EYS: variants seen among roughly 807,000 people sequenced by gnomAD.
EYS encodes protein eyes shut homolog.
Under a neutral mutation model 282.1 loss-of-function variants are expected in EYS, and 250 were observed. The ratio of observed to expected loss-of-function variants is 0.89; its 90% confidence interval spans 0.80 to 0.98. The LOEUF (loss-of-function observed/expected upper bound fraction) is 0.98, where lower values mean the gene tolerates loss of function less well. Ranked by LOEUF, EYS falls within the 50% of genes least tolerant of loss-of-function variation. The pLI is 0.00. For missense variants in EYS, 4,016 were observed against 3,709.0 expected, an observed-to-expected ratio of 1.08 and a Z score of -2.15; for synonymous variants, 1,355 against 1,282.9, an observed-to-expected ratio of 1.06 and a Z score of -1.20.
chr6:64,787,897 A>G (rs1330338797), intron 22 of EYS, among the ~76,000 whole-genome samples: 1 of 151,810 alleles, frequency 6.6e-6, no homozygotes, highest in Non-Finnish European at 1.5e-5. Flanking sequence ...AGTTTAGAGA[A>G]GCTCTTTTTC....
At chr6:64,340,827 T>C (rs919332767) in intron 29 of EYS, among the ~76,000 whole-genome samples, 5 of 151,548 alleles carry the variant, frequency 3.3e-5, no homozygotes, top group Admixed American at 6.6e-5. Context: ...CTGACAATGG[T>C]CTAATATCCA....
intron 2 of EYS, among the ~76,000 whole-genome samples, chr6:65,572,422 C>T (rs1410621198): frequency 1.3e-5 from 2 of 151,982 alleles, no homozygotes; most frequent in Non-Finnish European, 2.9e-5. Flanking sequence ...TCAGAAAATA[C>T]AAATCATAAG....
chr6:64,184,033 A>G (rs1006946882), intron 31 of EYS, among the ~76,000 whole-genome samples: 6 of 152,146 alleles, frequency 3.9e-5, no homozygotes, highest in African/African-American at 1.4e-4. Context: ...TGTGATAGGA[A>G]GTGACCCTGA....
chr6:64,669,379 G>A (rs1285928917), intron 22 of EYS, among the ~76,000 whole-genome samples: 1 of 152,128 alleles, frequency 6.6e-6, no homozygotes, highest in Non-Finnish European at 1.5e-5. Context: ...GAGAGAGATA[G>A]GTTTGCAGAG....
At chr6:63,948,720 T>A (rs1054563694) in intron 35 of EYS, among the ~76,000 whole-genome samples, 3 of 152,136 alleles carry the variant, frequency 2.0e-5, no homozygotes, top group Non-Finnish European at 4.4e-5. Context: ...ATTAACTTGG[T>A]TCCAAACCAG....
chr6:64,542,142 G>C (rs1281781732), intron 26 of EYS, among the ~76,000 whole-genome samples: 1 of 152,004 alleles, frequency 6.6e-6, no homozygotes, highest in Admixed American at 6.6e-5. Context: ...GTTCACCTCT[G>C]AATTTTGATG....
chr6:63,902,763 T>C (rs1284756993), intron 35 of EYS, among the ~76,000 whole-genome samples: 1 of 150,716 alleles, frequency 6.6e-6, no homozygotes, highest in Non-Finnish European at 1.5e-5. Flanking sequence ...TCAAATAGTA[T>C]GCTAAAAATA....
intron 12 of EYS, among the ~76,000 whole-genome samples, chr6:65,097,143 A>T (rs1422540898): frequency 6.6e-6 from 1 of 151,152 alleles, no homozygotes; most frequent in Non-Finnish European, 1.5e-5. Context: ...CCTACAATTC[A>T]AAAACAAAAT....
chr6:65,646,417 C>G (rs920499122), intron 1 of EYS, among the ~76,000 whole-genome samples: 1 of 152,030 alleles, frequency 6.6e-6, no homozygotes, highest in East Asian at 1.9e-4. Context: ...GAATTAAAAA[C>G]GAAAGTCACA....
intron 26 of EYS, among the ~76,000 whole-genome samples, chr6:64,572,530 T>C (rs6928452): frequency 0.13 from 19,614 of 152,186 alleles, 1,349 homozygotes; most frequent in East Asian, 0.27. Context: ...AAAACCCCAT[T>C]GTCTCAGCCC....
chr6:65,459,498 A>C (rs1273969422), intron 5 of EYS, among the ~76,000 whole-genome samples: 2 of 152,058 alleles, frequency 1.3e-5, no homozygotes, highest in African/African-American at 2.4e-5. Context: ...GCAAATGATT[A>C]AGATAATAAG....
At position 65,556,957 on chromosome 6, in the gene EYS, A is replaced by C. The variant is rs566003853; in HGVS notation, c.-332-60964T>G. The stretch of plus-strand genomic sequence containing the variant: ...CAAATACCATTATTTGTATCATAAC[A>C]GTATATGGTAATAATATATGTCATA... On this transcript the variant is annotated intron_variant, in intron 2 of 42. Coordinates refer to ENST00000503581, the MANE Select transcript of EYS (RefSeq NM_001142800.2). Among the ~76,000 whole-genome samples, 10 of 152,360 alleles carry C rather than the reference A, an allele frequency of 6.6e-5. 1 individual carries two copies. Among genetic ancestry groups the C allele is most frequent in the African/African-American group, 2.4e-4 (10 of 41,590 alleles).
At chr6:64,715,205 A>G (rs922089498) in intron 22 of EYS, among the ~76,000 whole-genome samples, 2 of 152,206 alleles carry the variant, frequency 1.3e-5, no homozygotes, top group African/African-American at 4.8e-5. Context: ...ACTATAATGT[A>G]GAATCAGTGG....
chr6:64,497,428 G>A (rs1776924552), intron 26 of EYS, among the ~76,000 whole-genome samples: 2 of 152,114 alleles, frequency 1.3e-5, no homozygotes, highest in African/African-American at 4.8e-5. Context: ...ATTTCATAAT[G>A]CATTCCAGGC....
chr6:64,254,742 A>G (rs148130196), intron 30 of EYS, among the ~76,000 whole-genome samples: 1 of 152,214 alleles, frequency 6.6e-6, no homozygotes, highest in Non-Finnish European at 1.5e-5. Context: ...CACGTAGTAA[A>G]TAAATCCTGT....
intron 31 of EYS, among the ~76,000 whole-genome samples, chr6:64,131,952 C>T (rs890771836): frequency 1.3e-5 from 2 of 152,042 alleles, no homozygotes; most frequent in East Asian, 3.9e-4. Flanking sequence ...TCTTCCCGAG[C>T]CTTCATTTAA....
chr6:64,236,589 C>T (rs1029919083), intron 30 of EYS, among the ~76,000 whole-genome samples: 7 of 152,110 alleles, frequency 4.6e-5, no homozygotes, highest in Admixed American at 6.6e-5. Flanking sequence ...ATCAAACATT[C>T]GTTTTTCTTT....
In EYS at chr6:63,762,441, G is replaced by T; in HGVS notation, c.8071+20C>A. Reference sequence around the variant, plus strand: ...TAGTTATATTTGTGGACAGCAAAATGATTTGAAATTCTGCCTCACCTTGTT... The same window carrying T: ...TAGTTATATTTGTGGACAGCAAAATTATTTGAAATTCTGCCTCACCTTGTT... On this transcript the variant is annotated intron_variant, in intron 41 of 42. Coordinates refer to ENST00000503581, the MANE Select transcript of EYS (RefSeq NM_001142800.2). 6.5e-7 allele frequency: 1 copy of T among 1,545,950 alleles called. No homozygotes were observed. The highest frequency in any genetic ancestry group is 1.2e-5 in the South Asian group (1 of 82,906).
At chr6:63,958,610 A>G (rs780465851) in intron 35 of EYS, among the ~76,000 whole-genome samples, 36 of 152,246 alleles carry the variant, frequency 2.4e-4, no homozygotes, top group Admixed American at 2.1e-3. Flanking sequence ...AAGCAGCCTT[A>G]TATTGGAAGA....
Sources: gnomAD v4.1 joint callset for allele counts (sites outside exome capture counted in the v4.1 genomes callset) on GRCh38, gnomAD v4.1.1 for gene constraint, MANE v1.5 for transcripts, NCBI Gene and HGNC (gene_info 2026-07-23, HGNC 2026-07-21) for gene names.